PDE1C: variants seen among roughly 807,000 people sequenced by gnomAD.
PDE1C encodes phosphodiesterase 1C.
PDE1C carries 62 observed loss-of-function variants against 93.1 expected under a neutral mutation model. The ratio of observed to expected loss-of-function variants is 0.67; its 90% CI spans 0.54 to 0.82. The LOEUF is 0.82. PDE1C is among the 40% of genes least tolerant of loss of function. The pLI is 0.00. For missense variants in PDE1C, 742 were observed against 884.6 expected, an observed-to-expected ratio of 0.84 and a Z score of 2.04; for synonymous variants, 325 against 310.1, an observed-to-expected ratio of 1.05 and a Z score of -0.50.
the PDE1C span, among the ~76,000 whole-genome samples, chr7:31,742,392 C>G: frequency 6.6e-6 from 1 of 152,182 alleles, no homozygotes. Context: ...AGCCTTGGGA[C>G]TACATTTTAA....
chr7:32,064,916 A>AT, intron 1 of PDE1C, among the ~76,000 whole-genome samples: 1 of 152,148 alleles, frequency 6.6e-6, no homozygotes, highest in Admixed American at 6.5e-5. Flanking sequence ...TCAGTACTGC[A>AT]CTAGATGAGC....
At chr7:31,745,502 T>C in the PDE1C span, among the ~76,000 whole-genome samples, 1 of 152,144 alleles carries the variant, frequency 6.6e-6, no homozygotes, top group African/African-American at 2.4e-5. Context: ...TTTAAGTGTC[T>C]CAAATAAGTA....
chr7:32,401,676 C>T (rs1784945543), intron 1 of PDE1C, among the ~76,000 whole-genome samples: 3 of 152,184 alleles, frequency 2.0e-5, no homozygotes, highest in Non-Finnish European at 2.9e-5. Flanking sequence ...GTGTCCCTCA[C>T]CGAGGAGATT....
At chr7:31,830,710 T>A (rs759972971) in intron 11 of PDE1C, among the ~76,000 whole-genome samples, 1 of 152,060 alleles carries the variant, frequency 6.6e-6, no homozygotes, top group Non-Finnish European at 1.5e-5. Flanking sequence ...TAGTGCTCAA[T>A]AACAGAACGA....
chr7:31,827,342 C>T lies in PDE1C; in HGVS notation c.1285+950G>A, dbSNP rs150725938. ...CAATGCCTACTCACTTCTTGGGACT[C>T]AATTCAAATATTATCCCTTAATAAA... On this transcript the variant is annotated intron_variant, in intron 12 of 17. Coordinates refer to ENST00000396191, the MANE Select transcript of PDE1C (RefSeq NM_001191057.4). Among the ~76,000 whole-genome samples the T allele has an allele frequency of 5.3e-3, 800 of 152,228 alleles. 11 individuals carry two copies. Among genetic ancestry groups the T allele is most frequent in the African/African-American group, 0.016 (650 of 41,548 alleles).
intron 7 of PDE1C, among the ~76,000 whole-genome samples, chr7:31,854,173 G>A (rs1451988153): frequency 2.0e-5 from 3 of 152,112 alleles, no homozygotes; most frequent in Non-Finnish European, 4.4e-5. Flanking sequence ...TATGTTAGAT[G>A]ACCTCAACAC....
chr7:31,622,296 A>G, the PDE1C span, among the ~76,000 whole-genome samples: 2 of 105,930 alleles, frequency 1.9e-5, no homozygotes, highest in African/African-American at 6.5e-5. Flanking sequence ...AATCAACAGA[A>G]TATACATTTT....
chr7:31,999,261 T>C (rs2128554788), intron 2 of PDE1C, among the ~76,000 whole-genome samples: 1 of 152,290 alleles, frequency 6.6e-6, no homozygotes, highest in Non-Finnish European at 1.5e-5. Flanking sequence ...CACAGTCCTA[T>C]GGAAGTAAAG....
At chr7:32,324,495 A>G (rs994337767) in intron 1 of PDE1C, among the ~76,000 whole-genome samples, 23 of 152,242 alleles carry the variant, frequency 1.5e-4, no homozygotes, top group African/African-American at 5.3e-4. Context: ...GCTTGGTGTC[A>G]ATCTGTCTGC....
intron 1 of PDE1C, among the ~76,000 whole-genome samples, chr7:32,214,079 T>C (rs1471786530): frequency 6.6e-6 from 1 of 152,214 alleles, no homozygotes; most frequent in African/African-American, 2.4e-5. Flanking sequence ...TATGTTTGTA[T>C]ATATATGTAC....
In PDE1C at chr7:32,128,906, A is replaced by AATATATATAT. The variant is rs763801947; in HGVS notation, c.308+40869_308+40878dup. 3.2e-3 allele frequency among the ~76,000 whole-genome samples: 179 copies of AATATATATAT among 55,898 alleles called. 2 individuals carry two copies. Among genetic ancestry groups the AATATATATAT allele is most frequent in the Middle Eastern group, 0.034 (2 of 58 alleles). The allele number at this position is 55,898 out of a possible 152,430, so 36.7% of individuals were successfully genotyped here. On this transcript the variant is annotated intron_variant, in intron 3 of 18. Coordinates refer to the PDE1C transcript ENST00000396193. ...GTACCCTAGAACTTAAAGTATAACA[A>AATATATATAT]ATATATATATATATATATATATATA... is the stretch of plus-strand genomic sequence containing the variant.
At chr7:31,755,931 C>A (rs570417877) in intron 17 of PDE1C, among the ~76,000 whole-genome samples, 1 of 152,056 alleles carries the variant, frequency 6.6e-6, no homozygotes, top group Non-Finnish European at 1.5e-5. Context: ...TTTGGGAGGC[C>A]GAGGCTGGCA....
At chr7:31,860,775 G>A (rs1794600433) in intron 7 of PDE1C, among the ~76,000 whole-genome samples, 1 of 152,026 alleles carries the variant, frequency 6.6e-6, no homozygotes, top group South Asian at 2.1e-4. Flanking sequence ...TAAAAAGAAT[G>A]TCTTTTTTCA....
chr7:32,426,331 T>C (rs1785532509), intron 1 of PDE1C, among the ~76,000 whole-genome samples: 2 of 150,858 alleles, frequency 1.3e-5, no homozygotes, highest in African/African-American at 4.9e-5. Flanking sequence ...TGGAGTGCAA[T>C]GGCATGATCT....
chr7:31,621,717 G>A, the PDE1C span, among the ~76,000 whole-genome samples: 3 of 144,360 alleles, frequency 2.1e-5, no homozygotes, highest in Admixed American at 2.1e-4. Flanking sequence ...AAAATAACCA[G>A]CTAACATCAT....
the PDE1C span, among the ~76,000 whole-genome samples, chr7:31,703,952 C>T: frequency 5.1e-4 from 78 of 152,304 alleles, no homozygotes; most frequent in African/African-American, 1.2e-3. Flanking sequence ...GGGCCCTCAT[C>T]GCAGTGACTG....
the PDE1C span, among the ~76,000 whole-genome samples, chr7:31,713,694 GT>G: frequency 6.6e-6 from 1 of 152,186 alleles, no homozygotes; most frequent in Non-Finnish European, 1.5e-5. Flanking sequence ...TCAAATCTAG[GT>G]GGCAGTTCCC....
chr7:31,715,689 T>C, the PDE1C span, among the ~76,000 whole-genome samples: 1 of 152,254 alleles, frequency 6.6e-6, no homozygotes, highest in Non-Finnish European at 1.5e-5. Flanking sequence ...CTTTCATTCT[T>C]CTTGACCTTG....
the PDE1C span, among the ~76,000 whole-genome samples, chr7:31,640,436 C>G: frequency 6.6e-6 from 1 of 152,198 alleles, no homozygotes; most frequent in Admixed American, 6.5e-5. Context: ...CCTTTGAACT[C>G]TAGCTGGCTC....
Sources: gnomAD v4.1 joint callset for allele counts (sites outside exome capture counted in the v4.1 genomes callset) on GRCh38, gnomAD v4.1.1 for gene constraint, MANE v1.5 for transcripts, NCBI Gene and HGNC (gene_info 2026-07-23, HGNC 2026-07-21) for gene names.